Variants in NXPH1 observed in about 807,000 individuals in gnomAD.
NXPH1 encodes neurexophilin-1.
Under a neutral mutation model 23.7 loss-of-function variants are expected in NXPH1, and 5 were observed. The ratio of observed to expected loss-of-function variants is 0.21; its 90% CI spans 0.11 to 0.44. The LOEUF (loss-of-function observed/expected upper bound fraction) is 0.44. NXPH1 is among the 20% of genes least tolerant of loss of function. NXPH1 has a pLI of 0.99. For synonymous variants in NXPH1, 144 were observed against 122.2 expected (o/e 1.18, Z -1.18); for missense variants, 324 against 321.6 (o/e 1.01, Z -0.06).
intron 2 of NXPH1, among the ~76,000 whole-genome samples, chr7:8,632,848 C>G (rs916337702): frequency 6.6e-6 from 1 of 152,142 alleles, no homozygotes; most frequent in African/African-American, 2.4e-5. Context: ...GAACCACAGT[C>G]TACTTAGATG....
intron 2 of NXPH1, among the ~76,000 whole-genome samples, chr7:8,614,498 T>C (rs1408955638): frequency 1.3e-5 from 2 of 151,962 alleles, no homozygotes; most frequent in African/African-American, 4.8e-5. Flanking sequence ...TCTATAGATA[T>C]GGATACATAT....
Position 8,571,831 on chromosome 7 carries a change from G to A in NXPH1, c.54+136064G>A, listed in dbSNP as rs548695968. On this transcript the variant is annotated intron_variant, in intron 2 of 2. Transcript: ENST00000405863. ...CAGGAATTCAAGCTCTGGAATTGGAGAGGTTAAGGAGTCCTAGTGATTCCT... is the reference window on the plus strand; with the variant it reads ...CAGGAATTCAAGCTCTGGAATTGGAAAGGTTAAGGAGTCCTAGTGATTCCT... Among the ~76,000 whole-genome samples the A allele has an allele frequency of 4.8e-4, 72 of 151,380 alleles. 1 individual carries two copies. The highest frequency in any genetic ancestry group is 1.5e-3 in the African/African-American group (62 of 41,228).
intron 2 of NXPH1, among the ~76,000 whole-genome samples, chr7:8,619,247 TAGTC>T (rs1325675597): frequency 1.3e-5 from 2 of 152,286 alleles, no homozygotes; most frequent in Middle Eastern, 3.4e-3. Flanking sequence ...TCCTCTGTAA[TAGTC>T]AGCAATCCCT....
intron 2 of NXPH1, among the ~76,000 whole-genome samples, chr7:8,474,698 C>G (rs1238913482): frequency 6.6e-6 from 1 of 152,146 alleles, no homozygotes; most frequent in Non-Finnish European, 1.5e-5. Flanking sequence ...CAAGGTTTCA[C>G]TCAATCTAGC....
chr7:8,492,252 C>T (rs1817259638), intron 2 of NXPH1, among the ~76,000 whole-genome samples: 1 of 151,982 alleles, frequency 6.6e-6, no homozygotes, highest in African/African-American at 2.4e-5. Flanking sequence ...TTTTGACGTG[C>T]TAATCTTGTT....
chr7:8,450,123 T>A (rs536414835), intron 2 of NXPH1, among the ~76,000 whole-genome samples: 25 of 152,318 alleles, frequency 1.6e-4, no homozygotes, highest in African/African-American at 5.1e-4. Flanking sequence ...CATCTGTATC[T>A]CTTCTAACAA....
intron 2 of NXPH1, among the ~76,000 whole-genome samples, chr7:8,744,196 T>G (rs1780429826): frequency 6.6e-6 from 1 of 152,242 alleles, no homozygotes; most frequent in African/African-American, 2.4e-5. Context: ...CATACACTTA[T>G]GTTAATAATC....
At chr7:8,527,580 T>G (rs926235636) in intron 2 of NXPH1, among the ~76,000 whole-genome samples, 1 of 152,182 alleles carries the variant, frequency 6.6e-6, no homozygotes, top group African/African-American at 2.4e-5. Context: ...AGGACTTAAA[T>G]ATTTATAAAT....
intron 2 of NXPH1, among the ~76,000 whole-genome samples, chr7:8,637,051 C>A (rs937321213): frequency 3.3e-5 from 5 of 152,126 alleles, no homozygotes; most frequent in African/African-American, 1.2e-4. Flanking sequence ...CTTTTGTGTA[C>A]ATTTTGTCCT....
intron 2 of NXPH1, among the ~76,000 whole-genome samples, chr7:8,511,863 C>A (rs1817617558): frequency 6.6e-6 from 1 of 152,092 alleles, no homozygotes; most frequent in South Asian, 2.1e-4. Flanking sequence ...GTCCAGGGGA[C>A]TGAATTGAAG....
intron 2 of NXPH1, among the ~76,000 whole-genome samples, chr7:8,561,383 C>CACACACACACACACACACACACACACA (rs1554256950): frequency 6.8e-6 from 1 of 147,116 alleles, no homozygotes; most frequent in African/African-American, 2.5e-5. Flanking sequence ...CACACACACA[C>CACACACACACACACACACACACACACA]CTCTCTCTCT....
At chr7:8,522,341 G>A (rs1282603993) in intron 2 of NXPH1, among the ~76,000 whole-genome samples, 2 of 152,170 alleles carry the variant, frequency 1.3e-5, no homozygotes, top group African/African-American at 4.8e-5. Context: ...TGCAGGCATA[G>A]CATTCATTGC....
intron 2 of NXPH1, among the ~76,000 whole-genome samples, chr7:8,640,812 C>T (rs1442031841): frequency 1.3e-5 from 2 of 151,896 alleles, no homozygotes; most frequent in Non-Finnish European, 2.9e-5. Flanking sequence ...AAAATATTAG[C>T]CAGGGTGGTG....
chr7:8,631,044 G>C (rs920366656), intron 2 of NXPH1, among the ~76,000 whole-genome samples: 1 of 152,128 alleles, frequency 6.6e-6, no homozygotes, highest in African/African-American at 2.4e-5. Context: ...TTCTGTTCCT[G>C]TGTTAGTTTG....
intron 2 of NXPH1, among the ~76,000 whole-genome samples, chr7:8,689,582 C>T (rs568987878): frequency 6.6e-6 from 1 of 152,162 alleles, no homozygotes; most frequent in African/African-American, 2.4e-5. Context: ...GAACGGAGGC[C>T]TTTGGTAGAA....
intron 2 of NXPH1, among the ~76,000 whole-genome samples, chr7:8,695,386 C>A (rs1821292094): frequency 6.6e-6 from 1 of 152,126 alleles, no homozygotes; most frequent in Admixed American, 6.5e-5. Flanking sequence ...TGCTCTTTTA[C>A]CATGTTACAG....
intron 2 of NXPH1, among the ~76,000 whole-genome samples, chr7:8,677,185 C>A (rs1257399087): frequency 6.6e-6 from 1 of 152,106 alleles, no homozygotes; most frequent in African/African-American, 2.4e-5. Flanking sequence ...TTATAAAGGG[C>A]AGTTTTTGAA....
intron 2 of NXPH1, among the ~76,000 whole-genome samples, chr7:8,596,186 G>C (rs1353355466): frequency 1.3e-5 from 2 of 152,094 alleles, no homozygotes; most frequent in Admixed American, 6.6e-5. Flanking sequence ...GGTGAGCAGA[G>C]TGGTTGAAAT....
chr7:8,521,636 A>T (rs1383560147), intron 2 of NXPH1, among the ~76,000 whole-genome samples: 3 of 152,190 alleles, frequency 2.0e-5, no homozygotes, highest in Non-Finnish European at 4.4e-5. Context: ...GTGAGTGAGA[A>T]ATACACTTTT....
Sources: allele counts gnomAD v4.1 joint callset (sites outside exome capture counted in the v4.1 genomes callset), GRCh38; gene constraint gnomAD v4.1.1; transcripts MANE v1.5; gene names NCBI Gene and HGNC (gene_info 2026-07-23, HGNC 2026-07-21).